The following PDZRN4 variants were observed in gnomAD, a reference collection of about 807,000 sequenced individuals.
PDZRN4 encodes PDZ domain containing ring finger 4.
Under a neutral mutation model 99.0 loss-of-function variants are expected in PDZRN4, and 70 were observed. That is an observed-to-expected ratio of 0.71 (90% confidence interval 0.58 to 0.86). The LOEUF (loss-of-function observed/expected upper bound fraction) is 0.86, where lower values mean the gene tolerates loss of function less well. Among genes scored for constraint, PDZRN4 ranks in the 40% least tolerant of loss-of-function variants. The pLI is 0.00. For missense variants in PDZRN4, 1,474 were observed against 1,331.2 expected, an observed-to-expected ratio of 1.11 and a Z score of -1.67; for synonymous variants, 551 against 501.6, an observed-to-expected ratio of 1.10 and a Z score of -1.32.
chr12:41,572,843 G>A lies in PDZRN4; in HGVS notation c.2064G>A (p.Arg688=), dbSNP rs754734049. The A allele has an allele frequency of 5.6e-6, 9 of 1,614,108 alleles. No individual in the cohort carries two copies. The highest frequency in any genetic ancestry group is 8.5e-7 in the Non-Finnish European group (1 of 1,180,004). ...GTCAGAATATCATGCAGGCTCACAG[G>A]CTCCAGAAAGTGACAGACCAGTATG... ...LECQNIMQAH[R]LQKVTDQYGD... is the part of the protein sequence containing the mutation. The change falls in exon 10 of 10, where the codon AGG becomes AGA. Residue 688 remains arginine, a synonymous_variant. Coordinates refer to ENST00000402685, the MANE Select transcript of PDZRN4 (RefSeq NM_001164595.2).
intron 3 of PDZRN4, among the ~76,000 whole-genome samples, chr12:41,289,668 T>G (rs138176569): frequency 3.9e-4 from 60 of 152,284 alleles, no homozygotes; most frequent in African/African-American, 1.3e-3. Context: ...CTTTCACGCA[T>G]TTCAAATGGC....
intron 3 of PDZRN4, among the ~76,000 whole-genome samples, chr12:41,311,938 T>A (rs895592338): frequency 6.6e-6 from 1 of 152,184 alleles, no homozygotes; most frequent in Non-Finnish European, 1.5e-5. Flanking sequence ...TGAAAAAAAC[T>A]TTTTTCTTTT....
chr12:41,405,821 A>G (rs143805179), intron 3 of PDZRN4, among the ~76,000 whole-genome samples: 7 of 152,320 alleles, frequency 4.6e-5, no homozygotes, highest in African/African-American at 1.4e-4. Flanking sequence ...GCTGGAGGCC[A>G]TAGTCCTTAG....
intron 1 of PDZRN4, 51 bp downstream of exon 1, chr12:41,189,154 A>C (rs1225002740): frequency 6.6e-6 from 10 of 1,525,488 alleles, no homozygotes; most frequent in Non-Finnish European, 8.8e-6. Context: ...GGGTGGGAAA[A>C]GGAGCGGTTC....
intron 3 of PDZRN4, among the ~76,000 whole-genome samples, chr12:41,392,877 A>G (rs1172680382): frequency 2.0e-5 from 3 of 152,170 alleles, no homozygotes; most frequent in East Asian, 1.9e-4. Context: ...CTAAGTTTAT[A>G]ATTAGCCTTG....
chr12:41,492,263 C>A (rs1157976198), intron 3 of PDZRN4, among the ~76,000 whole-genome samples: 2 of 151,918 alleles, frequency 1.3e-5, no homozygotes, highest in African/African-American at 4.8e-5. Flanking sequence ...ATGTAAAACC[C>A]TTGAATTTAA....
intron 3 of PDZRN4, among the ~76,000 whole-genome samples, chr12:41,402,926 G>A (rs1565573623): frequency 2.0e-5 from 3 of 151,760 alleles, no homozygotes; most frequent in South Asian, 2.1e-4. Context: ...AGCTAATATC[G>A]TGGTATCAAA....
intron 3 of PDZRN4, among the ~76,000 whole-genome samples, chr12:41,276,991 A>G (rs1951353767): frequency 1.3e-5 from 2 of 152,202 alleles, no homozygotes; most frequent in South Asian, 4.1e-4. Flanking sequence ...ATCTGGATAT[A>G]TGGAAACTCT....
chr12:41,266,894 G>A (rs549095887), intron 3 of PDZRN4, among the ~76,000 whole-genome samples: 76 of 152,212 alleles, frequency 5.0e-4, no homozygotes, highest in South Asian at 2.3e-3. Context: ...ATACCATAAA[G>A]CTAAATACTC....
intron 5 of PDZRN4, among the ~76,000 whole-genome samples, chr12:41,543,728 T>A (rs1366336893): frequency 1.3e-5 from 2 of 152,182 alleles, no homozygotes; most frequent in Admixed American, 6.5e-5. Flanking sequence ...CTGATCTACA[T>A]TTTTGTGGTT....
Position 41,387,458 on chromosome 12 carries a change from G to T in PDZRN4, c.844-118998G>T, listed in dbSNP as rs559132900. On this transcript the variant is annotated intron_variant, in intron 3 of 9. Transcript: ENST00000402685. Reference sequence around the variant, plus strand: ...AAATTAGCCAGGGGTGGCAGCGTGTGCCTGTAGTCCCAGCTACTTGAGAGG... The same window carrying T: ...AAATTAGCCAGGGGTGGCAGCGTGTTCCTGTAGTCCCAGCTACTTGAGAGG... Among the ~76,000 whole-genome samples the T allele has an allele frequency of 3.3e-5, 5 of 152,188 alleles. No homozygotes were observed. In the South Asian group the frequency reaches 1.0e-3, roughly 32 times the overall value.
intron 3 of PDZRN4, among the ~76,000 whole-genome samples, chr12:41,368,226 A>C (rs1952016228): frequency 6.6e-6 from 1 of 151,874 alleles, no homozygotes; most frequent in South Asian, 2.1e-4. Context: ...ATTTGTTGCC[A>C]CTCTGTCCAC....
At chr12:41,517,113 A>G (rs1272821142) in intron 5 of PDZRN4, among the ~76,000 whole-genome samples, 1 of 152,060 alleles carries the variant, frequency 6.6e-6, no homozygotes, top group African/African-American at 2.4e-5. Context: ...TAATTTCATA[A>G]AACAAATAAG....
At chr12:41,435,240 A>G (rs1952618156) in intron 3 of PDZRN4, among the ~76,000 whole-genome samples, 1 of 152,218 alleles carries the variant, frequency 6.6e-6, no homozygotes, top group African/African-American at 2.4e-5. Context: ...TAGAATGTTC[A>G]TTCTATACTT....
At chr12:41,254,671 G>T (rs1013285131) in intron 3 of PDZRN4, among the ~76,000 whole-genome samples, 1 of 152,234 alleles carries the variant, frequency 6.6e-6, no homozygotes. Context: ...GTCTGAAGAT[G>T]CAGGCAGTAA....
At chr12:41,477,826 A>G (rs1334349514) in intron 3 of PDZRN4, 1 of 1,276,908 alleles carries the variant, frequency 7.8e-7, no homozygotes, top group Non-Finnish European at 1.1e-6. Flanking sequence ...GATTTTGATT[A>G]TGAAATGCTT....
chr12:41,550,983 T>C (rs966333904), intron 5 of PDZRN4, among the ~76,000 whole-genome samples: 12 of 152,216 alleles, frequency 7.9e-5, no homozygotes, highest in Non-Finnish European at 1.6e-4. Context: ...TTTCCTTCAT[T>C]TTGTACTGGT....
chr12:41,518,664 T>C lies in PDZRN4; in HGVS notation c.1203+8751T>C, dbSNP rs145509368. Among the ~76,000 whole-genome samples the C allele has an allele frequency of 7.6e-4, 116 of 152,214 alleles. 1 individual carries two copies. Among genetic ancestry groups the C allele is most frequent in the African/African-American group, 2.7e-3 (111 of 41,556 alleles). On this transcript the variant is annotated intron_variant, in intron 5 of 9. Transcript: ENST00000402685. ...CAATATATGAGAGTAGTATCATTAGTATTAAGTGGGCGTATTTCCTTTATT... is the reference window on the plus strand; with the variant it reads ...CAATATATGAGAGTAGTATCATTAGCATTAAGTGGGCGTATTTCCTTTATT...
intron 3 of PDZRN4, among the ~76,000 whole-genome samples, chr12:41,306,066 C>T (rs1951567403): frequency 1.3e-5 from 2 of 152,148 alleles, no homozygotes; most frequent in South Asian, 4.1e-4. Flanking sequence ...AGAATGGGTC[C>T]CAGATAAACC....
Sources: allele counts gnomAD v4.1 joint callset (sites outside exome capture counted in the v4.1 genomes callset), GRCh38; gene constraint gnomAD v4.1.1; transcripts MANE v1.5; gene names NCBI Gene and HGNC (gene_info 2026-07-23, HGNC 2026-07-21).